CADM2: variants seen among roughly 807,000 people sequenced by gnomAD.
CADM2 encodes immunoglobulin superfamily member 4D.
Under a neutral mutation model 49.8 loss-of-function variants are expected in CADM2, and 12 were observed. The ratio of observed to expected loss-of-function variants is 0.24; its 90% CI spans 0.15 to 0.39. The LOEUF (loss-of-function observed/expected upper bound fraction) is 0.39. Among genes scored for constraint, CADM2 ranks in the 10% least tolerant of loss-of-function variants. The probability of loss-of-function intolerance (pLI) is 1.00; values close to 1 mark genes in which losing one functional copy is unlikely to be tolerated. For synonymous variants in CADM2, 214 were observed against 175.4 expected (o/e 1.22, Z -1.74); for missense variants, 378 against 492.3 (o/e 0.77, Z 2.20).
chr3:85,818,635 A>C (rs2073367493), intron 3 of CADM2, among the ~76,000 whole-genome samples: 1 of 152,188 alleles, frequency 6.6e-6, no homozygotes, highest in South Asian at 2.1e-4. Context: ...CTGCCATTGA[A>C]TAGCCCTAGC....
intron 6 of CADM2, among the ~76,000 whole-genome samples, chr3:85,932,991 A>T (rs528049324): frequency 6.6e-6 from 1 of 152,216 alleles, no homozygotes; most frequent in East Asian, 1.9e-4. Context: ...ACTTCAAGGG[A>T]ACATTTGTTA....
intron 1 of CADM2, among the ~76,000 whole-genome samples, chr3:85,601,631 T>C (rs1394693072): frequency 6.6e-6 from 1 of 151,566 alleles, no homozygotes; most frequent in Non-Finnish European, 1.5e-5. Flanking sequence ...TTACACTATT[T>C]TTAAAAAAAC....
chr3:85,278,232 G>A (rs1016781588), intron 1 of CADM2, among the ~76,000 whole-genome samples: 2 of 151,214 alleles, frequency 1.3e-5, no homozygotes, highest in Non-Finnish European at 3.0e-5. Context: ...CTTTACAACA[G>A]TTCCACTCAC....
chr3:85,358,305 C>T (rs2107266970), intron 1 of CADM2, among the ~76,000 whole-genome samples: 1 of 152,102 alleles, frequency 6.6e-6, no homozygotes, highest in East Asian at 1.9e-4. Flanking sequence ...CTGAGCATTG[C>T]TTTCTAGAAT....
intron 8 of CADM2, among the ~76,000 whole-genome samples, chr3:85,967,119 C>T (rs1171035050): frequency 2.0e-5 from 3 of 151,538 alleles, no homozygotes; most frequent in South Asian, 2.1e-4. Flanking sequence ...GACAGAAAAT[C>T]GTACACATAG....
chr3:85,740,749 A>G (rs1340070639), intron 2 of CADM2, among the ~76,000 whole-genome samples: 1 of 152,200 alleles, frequency 6.6e-6, no homozygotes, highest in South Asian at 2.1e-4. Context: ...TTTTCTGCAC[A>G]AGGAATCTGC....
chr3:85,414,688 T>C (rs771639571), intron 1 of CADM2, among the ~76,000 whole-genome samples: 20 of 152,192 alleles, frequency 1.3e-4, no homozygotes, highest in Non-Finnish European at 2.6e-4. Flanking sequence ...CTGATTATTC[T>C]AATAAGCACT....
intron 1 of CADM2, among the ~76,000 whole-genome samples, chr3:85,519,531 C>A (rs1460801790): frequency 6.6e-6 from 1 of 152,018 alleles, no homozygotes. Context: ...ACTTACCCAA[C>A]ATATTCATTG....
intron 1 of CADM2, among the ~76,000 whole-genome samples, chr3:84,963,057 AATAG>A (rs1287351777): frequency 2.6e-5 from 4 of 152,194 alleles, no homozygotes; most frequent in African/African-American, 7.2e-5. Context: ...GGAAATGAAT[AATAG>A]ATAGGGAATA....
chr3:85,144,998 T>TAG (rs1237987617), intron 1 of CADM2, among the ~76,000 whole-genome samples: 6 of 152,208 alleles, frequency 3.9e-5, no homozygotes, highest in African/African-American at 9.6e-5. Context: ...TACCTCTTTC[T>TAG]AAACAGTCAG....
chr3:85,437,562 C>A (rs1281681695), intron 1 of CADM2, among the ~76,000 whole-genome samples: 3 of 152,056 alleles, frequency 2.0e-5, no homozygotes, highest in Non-Finnish European at 4.4e-5. Flanking sequence ...TATGTAATGG[C>A]ATCTCACTGT....
intron 2 of CADM2, among the ~76,000 whole-genome samples, chr3:85,727,109 G>A (rs1336427215): frequency 1.3e-5 from 2 of 151,944 alleles, no homozygotes; most frequent in African/African-American, 4.8e-5. Flanking sequence ...AAAGTATTTT[G>A]GCTCCATGTG....
At chr3:85,444,650 C>T (rs1253072263) in intron 1 of CADM2, among the ~76,000 whole-genome samples, 1 of 152,106 alleles carries the variant, frequency 6.6e-6, no homozygotes, top group Non-Finnish European at 1.5e-5. Flanking sequence ...ATCCTCCTGT[C>T]CTACTCAATT....
At chr3:85,641,354 G>A (rs1320631112) in intron 1 of CADM2, among the ~76,000 whole-genome samples, 2 of 152,250 alleles carry the variant, frequency 1.3e-5, no homozygotes, top group South Asian at 2.1e-4. Flanking sequence ...CATGAGGCAC[G>A]TAGAACTATA....
chr3:85,669,887 C>G (rs2065684679), intron 1 of CADM2, among the ~76,000 whole-genome samples: 2 of 151,948 alleles, frequency 1.3e-5, no homozygotes, highest in Admixed American at 1.3e-4. Flanking sequence ...TGTCGTTAAA[C>G]CCTAGACCCT....
chr3:85,562,139 G>A (rs1044876682), intron 1 of CADM2, among the ~76,000 whole-genome samples: 1 of 152,038 alleles, frequency 6.6e-6, no homozygotes, highest in African/African-American at 2.4e-5. Context: ...TACCATTTTA[G>A]AGGGAGCATG....
chr3:85,868,512 T>C (rs2075804289), intron 3 of CADM2, among the ~76,000 whole-genome samples: 1 of 152,116 alleles, frequency 6.6e-6, no homozygotes, highest in Non-Finnish European at 1.5e-5. Flanking sequence ...GGTAATATTT[T>C]TCTGAGGCCT....
At chr3:85,803,082 G>A (rs756423105) in intron 3 of CADM2, among the ~76,000 whole-genome samples, 3 of 151,942 alleles carry the variant, frequency 2.0e-5, no homozygotes, top group Non-Finnish European at 4.4e-5. Flanking sequence ...ATCACATACA[G>A]TCTAATAAAT....
intron 8 of CADM2, among the ~76,000 whole-genome samples, chr3:86,034,571 CT>C (rs1277654880): frequency 2.0e-5 from 3 of 151,966 alleles, no homozygotes; most frequent in African/African-American, 7.2e-5. Flanking sequence ...TTATGTTATG[CT>C]GTTGTAACAG....
Sources: gnomAD v4.1 joint callset for allele counts (sites outside exome capture counted in the v4.1 genomes callset) on GRCh38, gnomAD v4.1.1 for gene constraint, MANE v1.5 for transcripts, NCBI Gene and HGNC (gene_info 2026-07-23, HGNC 2026-07-21) for gene names.